Variants in PABIR2 observed in about 807,000 individuals in gnomAD.
PABIR2 encodes PABIR family member 2.
PABIR2 carries 7 observed loss-of-function variants against 22.8 expected under a neutral mutation model. That is an observed-to-expected ratio of 0.31 (90% confidence interval 0.17 to 0.58). The LOEUF is 0.58. Ranked by LOEUF, PABIR2 falls within the 20% of genes least tolerant of loss-of-function variation. PABIR2 has a pLI of 0.89. For missense variants in PABIR2, 155 were observed against 205.1 expected (o/e 0.76, Z 1.49); for synonymous variants, 67 against 73.8 (o/e 0.91, Z 0.47).
Position 134,793,809 on chromosome X carries a change from A to G in PABIR2, c.177+6T>C. 1 of 1,206,310 alleles carries G rather than the reference A, an allele frequency of 8.3e-7. No homozygotes were observed. Among genetic ancestry groups the G allele is most frequent in the Non-Finnish European group, 1.1e-6 (1 of 891,008 alleles). ...AATCACTTCAGATACTTACTTCTAT[A>G]CTTACCAGGCTGTGACGGCTCATAA... On this transcript the variant is annotated splice_donor_region_variant and intron_variant, in intron 2 of 9. Coordinates refer to ENST00000343004, the MANE Select transcript of PABIR2 (RefSeq NM_001387468.1).
intron 2 of PABIR2, chrX:134,793,580 A>G (rs1388870573): frequency 2.1e-6 from 1 of 474,652 alleles, no homozygotes; most frequent in Non-Finnish European, 3.8e-6. Context: ...GTAGTGACAA[A>G]TAATAATGAA....
chrX:134,772,672 G>A (rs1225551452), intron 9 of PABIR2, among the ~76,000 whole-genome samples: 1 of 110,784 alleles, frequency 9.0e-6, no homozygotes, highest in South Asian at 3.8e-4. Flanking sequence ...AACCATACTC[G>A]GACTATCAGA....
Position 134,771,371 on chromosome X carries a change from T to G in PABIR2, c.*768A>C. Reference sequence around the variant, plus strand: ...TAACACCACCTAGAAATATCAACAATATTTTATATATTCCTTAGGGCAACA... The same window carrying G: ...TAACACCACCTAGAAATATCAACAAGATTTTATATATTCCTTAGGGCAACA... On this transcript the variant is annotated 3_prime_UTR_variant, in exon 10 of 10. Coordinates refer to ENST00000343004, the MANE Select transcript of PABIR2 (RefSeq NM_001387468.1). 4 of 1,146,973 alleles carry G rather than the reference T, an allele frequency of 3.5e-6. No homozygotes were observed. The highest frequency in any genetic ancestry group is 4.6e-6 in the Non-Finnish European group (4 of 868,457). The allele number at this position is 1,146,973 out of a possible 1,213,427, so 94.5% of individuals were successfully genotyped here.
Position 134,781,848 on chromosome X carries a change from G to A in PABIR2, c.632C>T (p.Ala211Val). ...QGTTNMLSPD[A>V]AQLSDLSSCS... ...TGAACTGAGATCAGACAGTTGCGCG[G>A]CATCTGGAGATAACATATTGGTAGT... is the stretch of plus-strand genomic sequence containing the variant. The change falls in exon 9 of 10, where the codon GCC becomes GTC. Residue 211 changes from alanine (A) to valine (V), a missense_variant. Physicochemically the swap from Ala to Val is moderately conservative, Grantham distance 64. Coordinates refer to ENST00000343004, the MANE Select transcript of PABIR2 (RefSeq NM_001387468.1). 8.3e-7 allele frequency: 1 copy of A among 1,199,561 alleles called. No individual in the cohort carries two copies. The highest frequency in any genetic ancestry group is 2.3e-4 in the Middle Eastern group (1 of 4,312).
chrX:134,780,063 A>G (rs1287374621), intron 9 of PABIR2, among the ~76,000 whole-genome samples: 1 of 112,827 alleles, frequency 8.9e-6, no homozygotes, highest in African/African-American at 3.2e-5. Context: ...TATCTGTTCC[A>G]AGGTTAGAAT....
rs368137082 is a variant in PABIR2, at chrX:134,788,769, T to C, written c.396A>G (p.Pro132=). ...LYSPKRIDFT[P]VSPAPSPTRG... is the part of the protein sequence containing the mutation. ...TGGTGGGTGAAGGTGCTGGAGAAAC[T>C]GGAGTGAAGTCAATTCTCTTAGGAG... The change falls in exon 6 of 10, where the codon CCA becomes CCG. Residue 132 remains proline (P), a synonymous_variant. Transcript: ENST00000343004. 1.3e-5 allele frequency: 16 copies of C among 1,207,513 alleles called. No individual in the cohort carries two copies. In the African/African-American group the frequency reaches 2.8e-4, roughly 21 times the overall value.
At chrX:134,785,180 T>A (rs184246173) in intron 8 of PABIR2, among the ~76,000 whole-genome samples, 1 of 111,946 alleles carries the variant, frequency 8.9e-6, no homozygotes, top group Admixed American at 9.5e-5. Flanking sequence ...TTTACAAAAT[T>A]GAGAATCAGC....
intron 9 of PABIR2, among the ~76,000 whole-genome samples, chrX:134,778,504 C>CAAAAAA (rs750595910): frequency 3.0e-5 from 1 of 32,991 alleles, no homozygotes. Context: ...AACTCCGTCT[C>CAAAAAA]AAAAAAAAAA....
chrX:134,776,965 T>C (rs2078994976), intron 9 of PABIR2, among the ~76,000 whole-genome samples: 1 of 112,445 alleles, frequency 8.9e-6, no homozygotes, highest in Admixed American at 9.4e-5. Flanking sequence ...AACTAAGATA[T>C]CCGGTTTGAT....
chrX:134,782,732 A>G (rs1002076049), intron 8 of PABIR2, among the ~76,000 whole-genome samples: 17 of 112,314 alleles, frequency 1.5e-4, no homozygotes, highest in Non-Finnish European at 1.9e-5. Flanking sequence ...TCTATACTCC[A>G]GTAGAAAATT....
In PABIR2 at chrX:134,795,294, T is replaced by A. The variant is rs190575796; in HGVS notation, c.98+814A>T. On this transcript the variant is annotated intron_variant, in intron 1 of 9. Transcript: ENST00000343004. ...ATGTTTTTGGCTAATTGTACTCTCATCTCCTTTTTTGGACTAATGCCATTT... is the reference window on the plus strand; with the variant it reads ...ATGTTTTTGGCTAATTGTACTCTCAACTCCTTTTTTGGACTAATGCCATTT... Among the ~76,000 whole-genome samples the A allele has an allele frequency of 2.9e-4, 33 of 112,010 alleles. No homozygotes were observed. The Middle Eastern group carries it at 0.014, about 47-fold the overall frequency.
At chrX:134,795,743 C>G (rs2079759409) in intron 1 of PABIR2, among the ~76,000 whole-genome samples, 1 of 112,171 alleles carries the variant, frequency 8.9e-6, no homozygotes, top group Admixed American at 9.4e-5. Flanking sequence ...TTAGAAATAG[C>G]AGCTCTGAGA....
intron 9 of PABIR2, 107 bp downstream of exon 9, chrX:134,781,714 C>A (rs1320281042): frequency 4.2e-6 from 2 of 479,706 alleles, no homozygotes; most frequent in African/African-American, 2.8e-5. Flanking sequence ...TAAATATTAA[C>A]AAAATTCAAA....
rs958187029 is a variant in PABIR2 at position 134,796,562 on chromosome X, G to A, written c.-357C>T. On this transcript the variant is annotated 5_prime_UTR_variant, in exon 1 of 10. Transcript: ENST00000343004. ...GGGAAAAGGATAGGTGGAAAAGCAG[G>A]AGGACAGAGAGGATAAGAGGAGGGC... The A allele has an allele frequency of 4.4e-5, 5 of 113,248 alleles. No homozygotes were observed. The South Asian group carries it at 1.2e-3, about 28-fold the overall frequency. 9.3% of individuals were successfully genotyped at this position (113,248 alleles called of 1,213,427 possible). A position where few individuals can be genotyped will look rare whatever the true frequency, so the allele number is the denominator to read the frequency against.
intron 9 of PABIR2, among the ~76,000 whole-genome samples, chrX:134,777,522 A>T (rs1469161454): frequency 7.1e-5 from 6 of 84,748 alleles, no homozygotes; most frequent in Non-Finnish European, 1.1e-4. Flanking sequence ...CAGATCTTGT[A>T]TCAAAAAAAA....
chrX:134,789,109 T>C lies in PABIR2; in HGVS notation c.309A>G (p.Gln103=), dbSNP rs17317849. ...REMQTAMQIS[Q]SWDESLSLSD... ...CCAGGCTCAAGCTCTCATCCCATGATTGGCTTATCTGCATTGCCGTTTGCA... is the reference window on the plus strand; with the variant it reads ...CCAGGCTCAAGCTCTCATCCCATGACTGGCTTATCTGCATTGCCGTTTGCA... Residue 103 remains glutamine, a synonymous_variant, in exon 5 of 10, where the codon CAA becomes CAG. Transcript: ENST00000343004. 25,604 of 1,210,626 alleles carry C rather than the reference T, an allele frequency of 0.021. 188 individuals carry two copies. The highest frequency in any genetic ancestry group is 0.025 in the Non-Finnish European group (22,642 of 895,350).
chrX:134,792,880 G>A (rs960799623), intron 2 of PABIR2, among the ~76,000 whole-genome samples: 7 of 112,264 alleles, frequency 6.2e-5, no homozygotes, highest in South Asian at 3.6e-4. Flanking sequence ...CCTTAAGAAC[G>A]TAAATTATTA....
At chrX:134,785,079 G>C (rs1363585245) in intron 8 of PABIR2, among the ~76,000 whole-genome samples, 3 of 111,845 alleles carry the variant, frequency 2.7e-5, no homozygotes, top group Admixed American at 9.6e-5. Context: ...AGATAACAGA[G>C]AGGCAATTTT....
intron 2 of PABIR2, among the ~76,000 whole-genome samples, chrX:134,793,218 C>T (rs1246256671): frequency 8.9e-6 from 1 of 111,820 alleles, no homozygotes; most frequent in African/African-American, 3.3e-5. Context: ...TCTTCTTTCA[C>T]CTCGGATGTC....
Sources: allele counts gnomAD v4.1 joint callset (sites outside exome capture counted in the v4.1 genomes callset), GRCh38; gene constraint gnomAD v4.1.1; transcripts MANE v1.5; gene names NCBI Gene and HGNC (gene_info 2026-07-23, HGNC 2026-07-21).